LRBA: variants seen among roughly 807,000 people sequenced by gnomAD.
The protein encoded by LRBA is LPS responsive beige-like anchor protein.
A neutral mutation model predicts 330.0 loss-of-function variants in LRBA; 176 were observed. The ratio of observed to expected loss-of-function variants is 0.53; its 90% CI spans 0.47 to 0.60. LRBA has a LOEUF of 0.60. LRBA is among the 20% of genes least tolerant of loss of function. The pLI is 0.00. For missense variants in LRBA, 3,259 were observed against 3,444.8 expected (o/e 0.95, Z 1.35); for synonymous variants, 1,230 against 1,193.0 (o/e 1.03, Z -0.64).
chr4:150,493,550 G>A (rs747200481), intron 40 of LRBA, among the ~76,000 whole-genome samples: 2 of 152,068 alleles, frequency 1.3e-5, no homozygotes, highest in African/African-American at 2.4e-5. Context: ...AAAAATATTC[G>A]GATTTCTGTC....
chr4:150,944,314 A>ATTT (rs1736005829), intron 2 of LRBA, among the ~76,000 whole-genome samples: 3 of 152,362 alleles, frequency 2.0e-5, no homozygotes, highest in Non-Finnish European at 4.4e-5. Context: ...TAAATTTTTT[A>ATTT]ATTCAAATAT....
intron 17 of LRBA, among the ~76,000 whole-genome samples, chr4:150,892,125 T>A (rs1729534065): frequency 6.6e-6 from 1 of 152,204 alleles, no homozygotes; most frequent in Non-Finnish European, 1.5e-5. Flanking sequence ...GAATTTATTA[T>A]AACTAGATAA....
In LRBA at chr4:150,315,295, C is replaced by T. The variant is rs993741047; in HGVS notation, c.7693+266G>A. ...AATATTATCCTGACAGTACTTCATG[C>T]GCATTCTCAATCACACATTATTACA... On this transcript the variant is annotated intron_variant, in intron 51 of 56. Coordinates refer to ENST00000651943, the MANE Select transcript of LRBA (RefSeq NM_001364905.1). 33 of 522,784 alleles carry T rather than the reference C, an allele frequency of 6.3e-5. 1 individual carries two copies. The highest frequency in any genetic ancestry group is 9.5e-5 in the Non-Finnish European group (28 of 295,134). The allele number at this position is 522,784 out of a possible 1,614,324, so 32.4% of individuals were successfully genotyped here.
At chr4:150,933,350 A>G (rs1384615264) in intron 2 of LRBA, among the ~76,000 whole-genome samples, 9 of 150,712 alleles carry the variant, frequency 6.0e-5, no homozygotes, top group Admixed American at 4.0e-4. Context: ...TGGGCAACAG[A>G]GCAAGACTCT....
At chr4:150,738,438 T>C (rs761855635) in intron 35 of LRBA, among the ~76,000 whole-genome samples, 2 of 152,258 alleles carry the variant, frequency 1.3e-5, no homozygotes, top group Non-Finnish European at 2.9e-5. Context: ...GAACATTCCA[T>C]GACAAATAAA....
chr4:150,302,930 A>G (rs1201931444), intron 52 of LRBA, 138 bp from the exon 53 acceptor site: 1 of 555,544 alleles, frequency 1.8e-6, no homozygotes, highest in Non-Finnish European at 3.0e-6. Flanking sequence ...GACATGGTCC[A>G]ACCTAACAGT....
chr4:150,836,035 CT>C (rs1271078050), intron 28 of LRBA, among the ~76,000 whole-genome samples: 5 of 152,106 alleles, frequency 3.3e-5, no homozygotes, highest in Non-Finnish European at 7.4e-5. Flanking sequence ...TGTCAATGGC[CT>C]TTTCTGCATC....
intron 37 of LRBA, among the ~76,000 whole-genome samples, chr4:150,626,163 T>C (rs1171437475): frequency 6.6e-6 from 1 of 152,212 alleles, no homozygotes; most frequent in Non-Finnish European, 1.5e-5. Flanking sequence ...ATATTCTGCA[T>C]CTTAATTCTC....
intron 40 of LRBA, among the ~76,000 whole-genome samples, chr4:150,502,993 C>T (rs997003019): frequency 3.3e-5 from 5 of 152,144 alleles, no homozygotes; most frequent in South Asian, 2.1e-4. Context: ...AAGGTGGCAG[C>T]GAGGCTGGGG....
At chr4:150,603,257 T>C (rs868324708) in intron 37 of LRBA, among the ~76,000 whole-genome samples, 4 of 151,986 alleles carry the variant, frequency 2.6e-5, no homozygotes, top group Admixed American at 1.3e-4. Context: ...AAGTTAAATA[T>C]TATAATCTTT....
intron 47 of LRBA, among the ~76,000 whole-genome samples, chr4:150,400,568 T>C (rs1231393862): frequency 1.3e-5 from 2 of 152,246 alleles, no homozygotes; most frequent in South Asian, 4.2e-4. Context: ...AAAGAACATT[T>C]TGAGGCCAAG....
chr4:150,463,813 A>C (rs1044421415), intron 44 of LRBA, among the ~76,000 whole-genome samples: 3 of 151,982 alleles, frequency 2.0e-5, no homozygotes, highest in African/African-American at 7.2e-5. Flanking sequence ...TCATAATAAA[A>C]ATCATACAGC....
intron 5 of LRBA, among the ~76,000 whole-genome samples, chr4:150,918,113 C>T (rs1202200533): frequency 6.6e-6 from 1 of 152,034 alleles, no homozygotes; most frequent in Non-Finnish European, 1.5e-5. Flanking sequence ...AAAATATATA[C>T]ATTGGACTTT....
At chr4:150,382,488 TGGCA>T (rs1742422116) in intron 47 of LRBA, among the ~76,000 whole-genome samples, 1 of 152,094 alleles carries the variant, frequency 6.6e-6, no homozygotes, top group African/African-American at 2.4e-5. Context: ...CTGGGCATGG[TGGCA>T]CATGCCTGTA....
At chr4:150,475,426 A>C (rs774120423) in intron 42 of LRBA, among the ~76,000 whole-genome samples, 3 of 152,202 alleles carry the variant, frequency 2.0e-5, no homozygotes, top group Admixed American at 2.0e-4. Context: ...TCTTTATGGA[A>C]AGATTTTTAA....
intron 48 of LRBA, among the ~76,000 whole-genome samples, chr4:150,332,632 T>G (rs1734130935): frequency 7.0e-6 from 1 of 143,416 alleles, no homozygotes; most frequent in Non-Finnish European, 1.5e-5. Context: ...AGCAGTCTAG[T>G]GTTGAATAAA....
intron 42 of LRBA, among the ~76,000 whole-genome samples, chr4:150,482,873 G>A (rs935241831): frequency 1.3e-5 from 2 of 151,640 alleles, no homozygotes; most frequent in Admixed American, 6.6e-5. Flanking sequence ...TTTGTAGCAA[G>A]CTTATCTTGT....
intron 31 of LRBA, among the ~76,000 whole-genome samples, chr4:150,809,867 TAC>T (rs1743386303): frequency 3.4e-5 from 3 of 88,682 alleles, no homozygotes; most frequent in African/African-American, 1.3e-4. Context: ...TACGATACGA[TAC>T]GATACGATAC....
intron 40 of LRBA, among the ~76,000 whole-genome samples, chr4:150,531,050 A>T (rs1764008587): frequency 6.6e-6 from 1 of 152,158 alleles, no homozygotes; most frequent in Non-Finnish European, 1.5e-5. Flanking sequence ...GCACTGTAGT[A>T]TTTGAAATTA....
Sources: gnomAD v4.1 joint callset for allele counts (sites outside exome capture counted in the v4.1 genomes callset) on GRCh38, gnomAD v4.1.1 for gene constraint, MANE v1.5 for transcripts, NCBI Gene and HGNC (gene_info 2026-07-23, HGNC 2026-07-21) for gene names.